Variants in KCNB2 observed in about 807,000 individuals in gnomAD.
KCNB2 encodes the protein delayed rectifier potassium channel protein.
In KCNB2, 15 loss-of-function variants were observed where a neutral mutation model predicts 61.5. The ratio of observed to expected loss-of-function variants is 0.24; its 90% CI spans 0.16 to 0.38. The LOEUF (loss-of-function observed/expected upper bound fraction) is 0.38, where lower values mean the gene tolerates loss of function less well. KCNB2 is among the 10% of genes least tolerant of loss of function. The pLI, the probability that KCNB2 is intolerant of heterozygous loss-of-function variation, is 1.00. For missense variants in KCNB2, 828 were observed against 1,125.2 expected (o/e 0.74, Z 3.78); for synonymous variants, 457 against 446.0 (o/e 1.02, Z -0.31).
chr8:72,713,513 G>C (rs890088082), intron 2 of KCNB2, among the ~76,000 whole-genome samples: 17 of 152,188 alleles, frequency 1.1e-4, no homozygotes, highest in Admixed American at 8.5e-4. Flanking sequence ...AATATCCACT[G>C]TTCTGCAGCC....
rs943781674 is a variant in KCNB2, at chr8:72,613,389, A to G, written c.579+45076A>G. ...TTCCTCAAAAAATAATGTTTTAAGT[A>G]TCTTTCACACTGTTATCCAATATAC... On this transcript the variant is annotated intron_variant, in intron 2 of 2. Coordinates refer to ENST00000523207, the MANE Select transcript of KCNB2 (RefSeq NM_004770.3). Among the ~76,000 whole-genome samples, 18 of 152,352 alleles carry G rather than the reference A, an allele frequency of 1.2e-4. No individual in the cohort carries two copies. The South Asian group carries it at 2.3e-3, about 19-fold the overall frequency.
At chr8:72,834,906 C>A (rs1269879895) in intron 2 of KCNB2, among the ~76,000 whole-genome samples, 4 of 152,134 alleles carry the variant, frequency 2.6e-5, no homozygotes, top group African/African-American at 9.7e-5. Context: ...TGGAACCAGG[C>A]AAATAAGGCA....
At chr8:72,850,217 GTGTATGTGTGTGTGTGTGTGTAA>G (rs1810073867) in intron 2 of KCNB2, among the ~76,000 whole-genome samples, 1 of 54,506 alleles carries the variant, frequency 1.8e-5, no homozygotes, top group Non-Finnish European at 3.8e-5. Context: ...GTGTGTGTGT[GTGTATGTGTGTGTGTGTGTGTAA>G]ATAGAGTCTC....
chr8:72,854,311 AGG>A (rs1274210847), intron 2 of KCNB2, among the ~76,000 whole-genome samples: 1 of 152,190 alleles, frequency 6.6e-6, no homozygotes, highest in Non-Finnish European at 1.5e-5. Context: ...GATAATACAC[AGG>A]TATCAGTTAT....
At chr8:72,783,182 C>T (rs1226986266) in intron 2 of KCNB2, among the ~76,000 whole-genome samples, 1 of 152,158 alleles carries the variant, frequency 6.6e-6, no homozygotes, top group East Asian at 1.9e-4. Context: ...ACCATTATTT[C>T]TAGCTTCTTC....
intron 2 of KCNB2, among the ~76,000 whole-genome samples, chr8:72,647,443 A>C (rs1477983524): frequency 6.6e-6 from 1 of 152,312 alleles, no homozygotes; most frequent in African/African-American, 2.4e-5. Context: ...TTTAAAATCA[A>C]TTCAATTTGC....
In KCNB2 at chr8:72,646,167, G is replaced by A. The variant is rs145057997; in HGVS notation, c.579+77854G>A. On this transcript the variant is annotated intron_variant, in intron 2 of 2. Coordinates refer to ENST00000523207, the MANE Select transcript of KCNB2 (RefSeq NM_004770.3). ...ACATATATACATATATGCTGATACA[G>A]GTATATCAGAAATACTATATATACT... 3.3e-5 allele frequency among the ~76,000 whole-genome samples: 5 copies of A among 151,662 alleles called. No homozygotes were observed. The East Asian group carries it at 9.7e-4, about 29-fold the overall frequency.
At chr8:72,687,134 T>C (rs952142989) in intron 2 of KCNB2, among the ~76,000 whole-genome samples, 1 of 152,246 alleles carries the variant, frequency 6.6e-6, no homozygotes, top group African/African-American at 2.4e-5. Flanking sequence ...TGAATTAATA[T>C]GATTCAATTT....
chr8:72,889,002 A>G (rs1198030365), intron 2 of KCNB2, among the ~76,000 whole-genome samples: 1 of 152,164 alleles, frequency 6.6e-6, no homozygotes, highest in African/African-American at 2.4e-5. Flanking sequence ...CTACTGCAGG[A>G]TCTGTCACCT....
chr8:72,587,255 C>T (rs1181627835), intron 2 of KCNB2, among the ~76,000 whole-genome samples: 1 of 152,110 alleles, frequency 6.6e-6, no homozygotes, highest in African/African-American at 2.4e-5. Flanking sequence ...GTCAGCCTAT[C>T]CACCTCCCGA....
intron 1 of KCNB2, among the ~76,000 whole-genome samples, chr8:72,564,362 A>C (rs1806589677): frequency 6.6e-6 from 1 of 152,220 alleles, no homozygotes; most frequent in African/African-American, 2.4e-5. Flanking sequence ...TATTATAATC[A>C]GTTAAAAAAT....
At chr8:72,549,343 T>A (rs1484469237) in intron 1 of KCNB2, among the ~76,000 whole-genome samples, 1 of 152,236 alleles carries the variant, frequency 6.6e-6, no homozygotes, top group Non-Finnish European at 1.5e-5. Context: ...ACCAGAATGT[T>A]AGCGATTTGG....
rs1563523385 is a variant in KCNB2, at chr8:72,561,723, ATATAT to A, written c.-93-5918_-93-5914del. On this transcript the variant is annotated intron_variant, in intron 1 of 2. Transcript: ENST00000523207. ...TATATATATATATATATATATATAT[ATATAT>A]CTATATCTATATATATATGTATATA... 9.8e-4 allele frequency among the ~76,000 whole-genome samples: 31 copies of A among 31,772 alleles called. 1 individual carries two copies. Among genetic ancestry groups the A allele is most frequent in the East Asian group, 6.2e-3 (10 of 1,622 alleles). The allele number at this position is 31,772 out of a possible 152,430, so 20.8% of individuals were successfully genotyped here.
chr8:72,670,800 A>C (rs1184379716), intron 2 of KCNB2, among the ~76,000 whole-genome samples: 3 of 152,122 alleles, frequency 2.0e-5, no homozygotes, highest in Admixed American at 1.3e-4. Context: ...GGCCCTAACC[A>C]CGTCCAGCCT....
At chr8:72,620,819 G>A (rs1257866643) in intron 2 of KCNB2, among the ~76,000 whole-genome samples, 1 of 152,014 alleles carries the variant, frequency 6.6e-6, no homozygotes, top group Non-Finnish European at 1.5e-5. Flanking sequence ...CGTTGGCCAG[G>A]CTGGTCTCAA....
chr8:72,807,238 C>T (rs985195561), intron 2 of KCNB2, among the ~76,000 whole-genome samples: 4 of 152,180 alleles, frequency 2.6e-5, no homozygotes. Flanking sequence ...AGGTTATGTC[C>T]TATATCTCAA....
intron 2 of KCNB2, among the ~76,000 whole-genome samples, chr8:72,676,487 A>G (rs1340039302): frequency 6.6e-6 from 1 of 150,946 alleles, no homozygotes; most frequent in Non-Finnish European, 1.5e-5. Context: ...TTCTCCTTAC[A>G]CATCCACTAA....
At chr8:72,546,690 G>A (rs926845680) in intron 1 of KCNB2, among the ~76,000 whole-genome samples, 2 of 152,082 alleles carry the variant, frequency 1.3e-5, no homozygotes, top group African/African-American at 4.8e-5. Flanking sequence ...AGAGTGTAGT[G>A]GCATGATCAC....
At chr8:72,703,529 G>A (rs1807168315) in intron 2 of KCNB2, among the ~76,000 whole-genome samples, 1 of 152,232 alleles carries the variant, frequency 6.6e-6, no homozygotes, top group South Asian at 2.1e-4. Flanking sequence ...CTTGGGTACA[G>A]TGTGTCCCAT....
Sources: gnomAD v4.1 joint callset for allele counts (sites outside exome capture counted in the v4.1 genomes callset) on GRCh38, gnomAD v4.1.1 for gene constraint, MANE v1.5 for transcripts, NCBI Gene and HGNC (gene_info 2026-07-23, HGNC 2026-07-21) for gene names.